Variants in TMTC1 observed in about 807,000 individuals in gnomAD.
The protein encoded by TMTC1 is protein O-mannosyl-transferase TMTC1.
In TMTC1, 73 loss-of-function variants were observed where a neutral mutation model predicts 104.8. The ratio of observed to expected loss-of-function variants is 0.70; its 90% CI spans 0.58 to 0.85. The LOEUF (loss-of-function observed/expected upper bound fraction) is 0.85. Ranked by LOEUF, TMTC1 falls within the 40% of genes least tolerant of loss-of-function variation. The pLI is 0.00. For missense variants in TMTC1, 1,035 were observed against 1,096.1 expected, an observed-to-expected ratio of 0.94 and a Z score of 0.79; for synonymous variants, 434 against 428.7, an observed-to-expected ratio of 1.01 and a Z score of -0.15.
chr12:29,637,003 T>C (rs931641898), intron 5 of TMTC1, among the ~76,000 whole-genome samples: 4 of 150,582 alleles, frequency 2.7e-5, no homozygotes, highest in African/African-American at 9.8e-5. Context: ...AAGGCTGGAG[T>C]GAGCAGTGAT....
chr12:29,531,000 C>T (rs1944487081), intron 11 of TMTC1, among the ~76,000 whole-genome samples: 1 of 152,162 alleles, frequency 6.6e-6, no homozygotes, highest in Non-Finnish European at 1.5e-5. Flanking sequence ...TAGGTTAGGT[C>T]CCCTTAACAT....
At chr12:29,549,341 C>A (rs376116251) in intron 10 of TMTC1, among the ~76,000 whole-genome samples, 1 of 151,688 alleles carries the variant, frequency 6.6e-6, no homozygotes, top group African/African-American at 2.4e-5. Flanking sequence ...ACTAACTTAT[C>A]GTAAAAAAAA....
At position 29,516,339 on chromosome 12, in the gene TMTC1, C is replaced by G. The variant is rs763012451; in HGVS notation, c.2307+10G>C. On this transcript the variant is annotated intron_variant, in intron 15 of 17. Transcript: ENST00000539277. The stretch of plus-strand genomic sequence containing the variant: ...GAATCCAAAGAACTCTAAACAATGT[C>G]CTTCTTTACCTTGTCGTGGTTCTCC... 1 of 1,610,940 alleles carries G rather than the reference C, an allele frequency of 6.2e-7. No individual in the cohort carries two copies. The highest frequency in any genetic ancestry group is 1.1e-5 in the South Asian group (1 of 90,590).
At chr12:29,677,669 T>C (rs78812848) in intron 5 of TMTC1, among the ~76,000 whole-genome samples, 12,034 of 152,264 alleles carry the variant, frequency 0.079, 682 homozygotes, top group South Asian at 0.17. Context: ...AATCTCACAT[T>C]ATCCCACTTG....
intron 5 of TMTC1, among the ~76,000 whole-genome samples, chr12:29,729,367 T>C (rs1489325173): frequency 6.6e-6 from 1 of 152,014 alleles, no homozygotes; most frequent in Non-Finnish European, 1.5e-5. Flanking sequence ...ACTCTGCTTC[T>C]CATCAGAAGG....
At chr12:29,544,001 T>A (rs1361164603) in intron 10 of TMTC1, among the ~76,000 whole-genome samples, 1 of 152,136 alleles carries the variant, frequency 6.6e-6, no homozygotes, top group African/African-American at 2.4e-5. Flanking sequence ...CTCAATACTT[T>A]GGGAGGCCAA....
At position 29,711,600 on chromosome 12, in the gene TMTC1, T is replaced by C. The variant is rs147135243; in HGVS notation, c.938+40066A>G. The stretch of plus-strand genomic sequence containing the variant: ...TAACAAAGTGAGGAGGACTGAACAG[T>C]TGAAGCAGATGTTGGAGATGTTCAG... On this transcript the variant is annotated intron_variant, in intron 5 of 17. Transcript: ENST00000539277. Among the ~76,000 whole-genome samples the C allele has an allele frequency of 6.4e-3, 979 of 152,234 alleles. 10 individuals carry two copies. Among genetic ancestry groups the C allele is most frequent in the African/African-American group, 0.023 (938 of 41,538 alleles).
chr12:29,644,106 T>C (rs1467728444), intron 5 of TMTC1, among the ~76,000 whole-genome samples: 1 of 43,554 alleles, frequency 2.3e-5, no homozygotes, highest in Non-Finnish European at 4.0e-5. Context: ...AATATATAAA[T>C]ATATATGTGT....
intron 9 of TMTC1, among the ~76,000 whole-genome samples, chr12:29,570,602 G>C (rs530110226): frequency 1.3e-5 from 2 of 152,260 alleles, no homozygotes; most frequent in East Asian, 1.9e-4. Context: ...TCAGCACTTT[G>C]GGAGGCTGAG....
chr12:29,700,227 C>CT (rs887342425), intron 5 of TMTC1, among the ~76,000 whole-genome samples: 1,951 of 138,786 alleles, frequency 0.014, 28 homozygotes, highest in African/African-American at 0.045. Flanking sequence ...TTTTGTTTTT[C>CT]TTTTTTTTTT....
rs184664305 is a variant in TMTC1 at position 29,633,689 on chromosome 12, C to T, written c.939-353G>A. Among the ~76,000 whole-genome samples the T allele has an allele frequency of 4.6e-5, 7 of 152,152 alleles. No homozygotes were observed. The East Asian group carries it at 1.2e-3, about 25-fold the overall frequency. Reference sequence around the variant, plus strand: ...TTGAACTGTCCCTTCTTAACAGTGCCCAGAATTCTGCAGTAGATTTGAAAA... The same window carrying T: ...TTGAACTGTCCCTTCTTAACAGTGCTCAGAATTCTGCAGTAGATTTGAAAA... On this transcript the variant is annotated intron_variant, in intron 5 of 17. Coordinates refer to ENST00000539277, the MANE Select transcript of TMTC1 (RefSeq NM_001193451.2).
At chr12:29,734,035 T>C (rs1323861302) in intron 5 of TMTC1, among the ~76,000 whole-genome samples, 1 of 152,176 alleles carries the variant, frequency 6.6e-6, no homozygotes, top group Non-Finnish European at 1.5e-5. Context: ...ACTGCTTAGG[T>C]CTTTGTGCCT....
intron 1 of TMTC1, among the ~76,000 whole-genome samples, chr12:29,780,353 T>G (rs7312961): frequency 0.11 from 16,187 of 152,266 alleles, 947 homozygotes; most frequent in African/African-American, 0.16. Flanking sequence ...ACAGCCTGAA[T>G]GAAGATCCAG....
chr12:29,530,559 C>T (rs182899144), intron 11 of TMTC1, among the ~76,000 whole-genome samples: 2 of 152,326 alleles, frequency 1.3e-5, no homozygotes, highest in Non-Finnish European at 1.5e-5. Flanking sequence ...TTGCTTACTA[C>T]GCATGTGCAA....
At chr12:29,606,410 T>C (rs371350165) in intron 6 of TMTC1, among the ~76,000 whole-genome samples, 2 of 144,156 alleles carry the variant, frequency 1.4e-5, no homozygotes, top group South Asian at 2.2e-4. Context: ...TATTTCTTCT[T>C]ACAATTGAAA....
intron 1 of TMTC1, among the ~76,000 whole-genome samples, chr12:29,773,699 T>C (rs926969197): frequency 1.1e-4 from 16 of 152,114 alleles, no homozygotes; most frequent in African/African-American, 2.9e-4. Context: ...AGGGACAATA[T>C]GATTAATAAG....
chr12:29,782,279 C>T (rs2120692835), intron 1 of TMTC1, among the ~76,000 whole-genome samples: 1 of 152,362 alleles, frequency 6.6e-6, no homozygotes, highest in East Asian at 1.9e-4. Flanking sequence ...AAACATTAAA[C>T]TTTCAGTGGA....
At chr12:29,607,204 G>A (rs530062143) in intron 6 of TMTC1, among the ~76,000 whole-genome samples, 2 of 152,290 alleles carry the variant, frequency 1.3e-5, no homozygotes, top group African/African-American at 2.4e-5. Context: ...TTGTAATTAC[G>A]TGTGTATCTG....
At chr12:29,635,408 G>A (rs1302550262) in intron 5 of TMTC1, among the ~76,000 whole-genome samples, 1 of 152,118 alleles carries the variant, frequency 6.6e-6, no homozygotes, top group East Asian at 1.9e-4. Flanking sequence ...AAAAAATTGG[G>A]TAGCTCTGTC....
Sources: allele counts gnomAD v4.1 joint callset (sites outside exome capture counted in the v4.1 genomes callset), GRCh38; gene constraint gnomAD v4.1.1; transcripts MANE v1.5; gene names NCBI Gene and HGNC (gene_info 2026-07-23, HGNC 2026-07-21).